ABR: variants seen among roughly 807,000 people sequenced by gnomAD.
ABR encodes the protein ABR activator of RhoGEF and GTPase, also known as active breakpoint cluster region-related protein.
ABR carries 35 observed loss-of-function variants against 107.2 expected under a neutral mutation model. That is an observed-to-expected ratio of 0.33 (90% confidence interval 0.25 to 0.43). ABR has a LOEUF of 0.43. Ranked by LOEUF, ABR falls within the 20% of genes least tolerant of loss-of-function variation. The pLI is 1.00. For synonymous variants in ABR, 498 were observed against 462.0 expected (o/e 1.08, Z -1.00); for missense variants, 815 against 1,115.2 (o/e 0.73, Z 3.83).
intron 1 of ABR, among the ~76,000 whole-genome samples, chr17:1,162,137 G>C (rs1424067413): frequency 6.6e-6 from 1 of 152,348 alleles, no homozygotes; most frequent in African/African-American, 2.4e-5. Context: ...AACTGAGGAT[G>C]TGAAAAGACT....
chr17:1,103,821 G>A (rs929800108), intron 2 of ABR, among the ~76,000 whole-genome samples: 37 of 152,270 alleles, frequency 2.4e-4, no homozygotes, highest in Non-Finnish European at 5.0e-4. Context: ...GGTGCACTTG[G>A]CTAACAGGAG....
chr17:1,199,341 T>C (rs1196623511), intron 1 of ABR, among the ~76,000 whole-genome samples: 1 of 150,810 alleles, frequency 6.6e-6, no homozygotes, highest in Non-Finnish European at 1.5e-5. Flanking sequence ...TCTGTACCCA[T>C]GTCATAGACC....
intron 3 of ABR, among the ~76,000 whole-genome samples, chr17:1,099,029 C>T (rs1222333223): frequency 6.8e-6 from 1 of 146,416 alleles, no homozygotes; most frequent in Non-Finnish European, 1.5e-5. Flanking sequence ...TCAGGTGATC[C>T]ACCCACCTCG....
At chr17:1,031,921 T>G in intron 16 of ABR, 4 of 819,536 alleles carry the variant, frequency 4.9e-6, no homozygotes, top group Non-Finnish European at 4.4e-6. Flanking sequence ...CCCTCCTCCC[T>G]CCTCCGCATC....
intron 1 of ABR, among the ~76,000 whole-genome samples, chr17:1,207,116 GTTCGTGC>G (rs1200030161): frequency 6.6e-6 from 1 of 151,682 alleles, no homozygotes; most frequent in Non-Finnish European, 1.5e-5. Flanking sequence ...AGGCATTGTG[GTTCGTGC>G]CTATAGTCCC....
chr17:1,074,473 G>A (rs2035540707), intron 6 of ABR, among the ~76,000 whole-genome samples: 1 of 152,248 alleles, frequency 6.6e-6, no homozygotes, highest in Non-Finnish European at 1.5e-5. Context: ...GCCACATGCA[G>A]GACCCCAGAA....
intron 4 of ABR, among the ~76,000 whole-genome samples, chr17:1,089,089 G>A (rs2036840483): frequency 2.0e-5 from 3 of 151,656 alleles, no homozygotes; most frequent in South Asian, 4.2e-4. Flanking sequence ...GTAGAGATGG[G>A]GTTCCACCAT....
At chr17:1,056,194 G>A in intron 13 of ABR, 85 bp from the exon 14 acceptor site, 1 of 1,184,064 alleles carries the variant, frequency 8.4e-7, no homozygotes, top group South Asian at 1.2e-5. Context: ...GGCAGACGGG[G>A]TATGAGACTC....
Position 1,051,550 on chromosome 17 carries a change from T to C in ABR, c.1562-916A>G, listed in dbSNP as rs1235502479. ...GCACCGGCACGGACCCCAGGCCCTC[T>C]GCAAACCCACACCCGCCCTGGGCTC... On this transcript the variant is annotated intron_variant, in intron 14 of 22. Coordinates refer to ENST00000302538, the MANE Select transcript of ABR (RefSeq NM_021962.5). The surrounding 1 kb of genome is among the most constrained non-coding windows in gnomAD (Gnocchi z 4.3). Among the ~76,000 whole-genome samples the C allele has an allele frequency of 6.6e-6, 1 of 152,132 alleles. No homozygotes were observed. The highest frequency in any genetic ancestry group is 1.5e-5 in the Non-Finnish European group (1 of 68,010).
intron 2 of ABR, among the ~76,000 whole-genome samples, chr17:1,122,192 C>T (rs543573553): frequency 9.9e-5 from 15 of 152,266 alleles, no homozygotes; most frequent in East Asian, 3.9e-4. Context: ...CGTGAGCCAC[C>T]GCGCCCAGCC....
intron 16 of ABR, among the ~76,000 whole-genome samples, chr17:1,032,661 C>CAGAGGACGCCACAGGCAACCACCCGTGT (rs1407110844): frequency 1.3e-5 from 2 of 148,840 alleles, no homozygotes; most frequent in Non-Finnish European, 1.5e-5. Flanking sequence ...GTGCTGGGCG[C>CAGAGGACGCCACAGGCAACCACCCGTGT]CTTGAGAGAG....
intron 16 of ABR, among the ~76,000 whole-genome samples, chr17:1,033,398 C>CAAA: frequency 6.6e-6 from 1 of 152,218 alleles, no homozygotes; most frequent in Non-Finnish European, 1.5e-5. Context: ...CCCCGCTTTA[C>CAAA]CTCTGAGGAA....
chr17:1,027,976 T>G lies in ABR; in HGVS notation c.1792-14812A>C, dbSNP rs9912878. The stretch of plus-strand genomic sequence containing the variant: ...GGCCAAGTGAGTGGTAGAGTGAACC[T>G]CTGGGGTGTGCACGTGGTCTGCACA... On this transcript the variant is annotated intron_variant, in intron 16 of 22. Transcript: ENST00000302538. The surrounding 1 kb of genome is among the most constrained non-coding windows in gnomAD (Gnocchi z 4.7). Among the ~76,000 whole-genome samples, 18,872 of 151,938 alleles carry G rather than the reference T, an allele frequency of 0.12. 2,961 individuals carry two copies. Among genetic ancestry groups the G allele is most frequent in the African/African-American group, 0.37 (15,126 of 41,392 alleles).
At chr17:1,105,973 C>T (rs572063560) in intron 2 of ABR, among the ~76,000 whole-genome samples, 3 of 152,192 alleles carry the variant, frequency 2.0e-5, no homozygotes, top group South Asian at 2.1e-4. Flanking sequence ...CCTTCTACAA[C>T]GCCCCCGTCA....
At position 1,148,536 on chromosome 17, in the gene ABR, G is replaced by A. The variant is rs9895766; in HGVS notation, c.62-23169C>T. 0.013 allele frequency among the ~76,000 whole-genome samples: 1,928 copies of A among 152,312 alleles called. 51 individuals carry two copies. Among genetic ancestry groups the A allele is most frequent in the East Asian group, 0.11 (564 of 5,170 alleles). ...CTGTTGGGAACCAGGATGCACAGCC[G>A]GAGGTGAGTGGTGGGTGAGCAAGCG... On this transcript the variant is annotated intron_variant, in intron 1 of 22. Coordinates refer to ENST00000302538, the MANE Select transcript of ABR (RefSeq NM_021962.5). The surrounding 1 kb of genome is among the most constrained non-coding windows in gnomAD (Gnocchi z 4.9).
chr17:1,079,177 C>T (rs2035998381), intron 6 of ABR, 153 bp downstream of exon 6: 2 of 1,468,252 alleles, frequency 1.4e-6, no homozygotes, highest in Admixed American at 4.5e-5. Context: ...CACGCGCACT[C>T]AGCTCACACT....
At chr17:1,213,858 G>A (rs754516031) in intron 1 of ABR, among the ~76,000 whole-genome samples, 1 of 152,112 alleles carries the variant, frequency 6.6e-6, no homozygotes, top group Non-Finnish European at 1.5e-5. Context: ...AGTCTAAGGT[G>A]CTGTTTCTAT....
chr17:1,151,876 C>A (rs527629791), intron 1 of ABR, among the ~76,000 whole-genome samples: 12 of 152,192 alleles, frequency 7.9e-5, no homozygotes, highest in African/African-American at 2.9e-4. Flanking sequence ...AAAAGTTAGC[C>A]GGGCGTGGTG....
At position 1,125,945 on chromosome 17, in the gene ABR, G is replaced by A. The variant is rs73975640; in HGVS notation, c.62-578C>T. On this transcript the variant is annotated intron_variant, in intron 1 of 22. Transcript: ENST00000302538. ...GCCCAAGGCAGCAGGGCGTGGGCGA[G>A]GAGGCTGTGCCCAGGCCTGGCAGGG... Among the ~76,000 whole-genome samples, 1,350 of 152,294 alleles carry A rather than the reference G, an allele frequency of 8.9e-3. 34 individuals are homozygous for A. Among genetic ancestry groups the A allele is most frequent in the African/African-American group, 0.031 (1,277 of 41,560 alleles).
Sources: gnomAD v4.1 joint callset for allele counts (sites outside exome capture counted in the v4.1 genomes callset) on GRCh38, gnomAD v4.1.1 for gene constraint, Gnocchi (gnomAD v3.1) non-coding constraint, MANE v1.5 for transcripts, NCBI Gene and HGNC (gene_info 2026-07-23, HGNC 2026-07-21) for gene names.